Variants in LRMDA observed in about 807,000 individuals in gnomAD.
LRMDA encodes the protein leucine-rich melanocyte differentiation-associated protein.
LRMDA carries 18 observed loss-of-function variants against 29.8 expected under a neutral mutation model. That is an observed-to-expected ratio of 0.60 (90% CI 0.42 to 0.90). The LOEUF is 0.90. Among genes scored for constraint, LRMDA ranks in the 40% least tolerant of loss-of-function variants. LRMDA has a pLI of 0.00. For missense variants in LRMDA, 273 were observed against 273.9 expected (o/e 1.00, Z 0.02); for synonymous variants, 125 against 109.4 (o/e 1.14, Z -0.89).
chr10:75,514,472 A>G (rs1452268888), intron 2 of LRMDA, among the ~76,000 whole-genome samples: 2 of 151,860 alleles, frequency 1.3e-5, no homozygotes, highest in Non-Finnish European at 2.9e-5. Context: ...GGGGTCTGAT[A>G]TAGTTTGGAG....
In LRMDA at chr10:75,498,481, C is replaced by T. The variant is rs898040057; in HGVS notation, c.131+59987C>T. On this transcript the variant is annotated intron_variant, in intron 2 of 6. Transcript: ENST00000611255. ...GTGCACGAGTGTTTGCGTGTGCATGCGTGCGTGTGTGTGCATCAAGTCCCT... is the reference window on the plus strand; with the variant it reads ...GTGCACGAGTGTTTGCGTGTGCATGTGTGCGTGTGTGTGCATCAAGTCCCT... Among the ~76,000 whole-genome samples, 9 of 152,194 alleles carry T rather than the reference C, an allele frequency of 5.9e-5. No homozygotes were observed. In the South Asian group the frequency reaches 6.2e-4, roughly 11 times the overall value.
In LRMDA at chr10:76,559,696, A is replaced by G. The variant is rs1360620867; in HGVS notation, c.*2408A>G. The G allele has an allele frequency of 6.6e-6, 1 of 152,264 alleles. No homozygotes were observed. The highest frequency in any genetic ancestry group is 1.5e-5 in the Non-Finnish European group (1 of 68,062). 9.4% of individuals were successfully genotyped at this position (152,264 alleles called of 1,614,324 possible). ...AAAGTTGAGAAGTAGAAAGTAATAA[A>G]TTCAATCAGGGCCCAGACATGTTTT... On this transcript the variant is annotated 3_prime_UTR_variant, in exon 7 of 7. Coordinates refer to ENST00000611255, the MANE Select transcript of LRMDA (RefSeq NM_001305581.2).
At chr10:76,514,446 C>T (rs1193272590) in intron 6 of LRMDA, among the ~76,000 whole-genome samples, 3 of 152,148 alleles carry the variant, frequency 2.0e-5, no homozygotes, top group African/African-American at 7.2e-5. Context: ...GACAATGCCA[C>T]AAAAGCACCA....
At chr10:76,470,095 C>G (rs909138780) in intron 6 of LRMDA, among the ~76,000 whole-genome samples, 13 of 152,182 alleles carry the variant, frequency 8.5e-5, no homozygotes, top group African/African-American at 3.1e-4. Flanking sequence ...TCCAGCAAAA[C>G]TCTCTTTCAA....
At position 76,137,378 on chromosome 10, in the gene LRMDA, C is replaced by A. The variant is rs1850114469; in HGVS notation, c.516+78595C>A. ...AATAATTAATCTCACTTGATGAGGT[C>A]TTACTTAATGATAGCCTCCAATTAT... On this transcript the variant is annotated intron_variant, in intron 5 of 6. Transcript: ENST00000611255. 1.3e-5 allele frequency among the ~76,000 whole-genome samples: 2 copies of A among 152,162 alleles called. 1 individual carries two copies. The highest frequency in any genetic ancestry group is 4.8e-5 in the African/African-American group (2 of 41,434).
intron 5 of LRMDA, among the ~76,000 whole-genome samples, chr10:76,090,839 G>T (rs1849219309): frequency 6.6e-6 from 1 of 152,174 alleles, no homozygotes; most frequent in African/African-American, 2.4e-5. Flanking sequence ...GTGAGGGGCT[G>T]GGAAGAGAAG....
intron 5 of LRMDA, among the ~76,000 whole-genome samples, chr10:76,162,758 A>G (rs751287867): frequency 4.6e-5 from 7 of 152,178 alleles, no homozygotes; most frequent in Non-Finnish European, 7.3e-5. Flanking sequence ...TTACAATTCA[A>G]CATGAGATTT....
chr10:75,887,031 A>G lies in LRMDA; in HGVS notation c.132-148977A>G, dbSNP rs191705711. ...ATTTGATAGATGACCTAGAATGGAC[A>G]GATTTTGCTTGCCAAATAATTATAG... On this transcript the variant is annotated intron_variant, in intron 2 of 6. Transcript: ENST00000611255. 4.6e-5 allele frequency among the ~76,000 whole-genome samples: 7 copies of G among 152,264 alleles called. No homozygotes were observed. The East Asian group carries it at 1.4e-3, about 29-fold the overall frequency.
At chr10:75,631,700 C>T (rs1435442120) in intron 2 of LRMDA, among the ~76,000 whole-genome samples, 2 of 152,188 alleles carry the variant, frequency 1.3e-5, no homozygotes, top group Non-Finnish European at 2.9e-5. Context: ...ATCAGCGCCA[C>T]AGTGAAGTGG....
At chr10:76,261,375 T>C (rs974172523) in intron 5 of LRMDA, among the ~76,000 whole-genome samples, 1 of 151,982 alleles carries the variant, frequency 6.6e-6, no homozygotes, top group South Asian at 2.1e-4. Context: ...CCCGGCTGGC[T>C]TGCGTTTCAA....
Position 76,474,164 on chromosome 10 carries a change from A to G in LRMDA, c.602-83045A>G, listed in dbSNP as rs76779327. On this transcript the variant is annotated intron_variant, in intron 6 of 6. Transcript: ENST00000611255. The stretch of plus-strand genomic sequence containing the variant: ...TCAGGTAACTGGATAGTCACTTGCA[A>G]TAGAATGCATTAGGAACCTCGTGCC... Among the ~76,000 whole-genome samples the G allele has an allele frequency of 3.6e-4, 55 of 151,776 alleles. No individual in the cohort carries two copies. In the East Asian group the frequency reaches 0.01, roughly 28 times the overall value.
intron 2 of LRMDA, among the ~76,000 whole-genome samples, chr10:75,786,753 T>G (rs1191234920): frequency 6.6e-6 from 1 of 152,126 alleles, no homozygotes; most frequent in Non-Finnish European, 1.5e-5. Context: ...TCTCTAGATA[T>G]TTTTTTCTAT....
intron 2 of LRMDA, among the ~76,000 whole-genome samples, chr10:75,768,895 C>A (rs1231477565): frequency 6.6e-6 from 1 of 152,164 alleles, no homozygotes; most frequent in African/African-American, 2.4e-5. Context: ...TATAACTGGT[C>A]ACCTAGACAT....
rs369877145 is a variant in LRMDA at position 75,552,140 on chromosome 10, C to A, written c.131+113646C>A. On this transcript the variant is annotated intron_variant, in intron 2 of 6. Transcript: ENST00000611255. ...TAATCATTTCTAGAGCTCTTTCTTT[C>A]TGTAGATCTGAATTTCCTTCTAGTA... 6.5e-4 allele frequency among the ~76,000 whole-genome samples: 99 copies of A among 152,148 alleles called. 1 individual carries two copies. The Middle Eastern group carries it at 0.02, about 31-fold the overall frequency.
At chr10:75,821,033 A>G (rs58225211) in intron 2 of LRMDA, among the ~76,000 whole-genome samples, 5,276 of 152,308 alleles carry the variant, frequency 0.035, 246 homozygotes, top group African/African-American at 0.11. Context: ...CTCTAACAAC[A>G]TCAAAAAAAT....
intron 2 of LRMDA, among the ~76,000 whole-genome samples, chr10:75,697,415 T>C (rs1842249196): frequency 6.6e-6 from 1 of 151,982 alleles, no homozygotes; most frequent in Non-Finnish European, 1.5e-5. Context: ...GAAAACCTTA[T>C]AATACTTGTT....
intron 2 of LRMDA, among the ~76,000 whole-genome samples, chr10:75,523,275 G>A (rs1845381565): frequency 6.6e-6 from 1 of 152,152 alleles, no homozygotes; most frequent in East Asian, 1.9e-4. Context: ...CATCCTGCTG[G>A]AAATGCCTGT....
intron 2 of LRMDA, among the ~76,000 whole-genome samples, chr10:75,840,067 CT>C (rs1844512590): frequency 6.6e-6 from 1 of 152,160 alleles, no homozygotes; most frequent in African/African-American, 2.4e-5. Flanking sequence ...TGGGTAGACA[CT>C]TTTTTTCCCT....
At chr10:75,945,449 A>C (rs1011576506) in intron 2 of LRMDA, among the ~76,000 whole-genome samples, 2 of 152,086 alleles carry the variant, frequency 1.3e-5, no homozygotes, top group Non-Finnish European at 2.9e-5. Flanking sequence ...ATCCTTAACC[A>C]CCCAAGAAGA....
Sources: allele counts gnomAD v4.1 joint callset (sites outside exome capture counted in the v4.1 genomes callset), GRCh38; gene constraint gnomAD v4.1.1; transcripts MANE v1.5; gene names NCBI Gene and HGNC (gene_info 2026-07-23, HGNC 2026-07-21).